KIAA1671: variants seen among roughly 807,000 people sequenced by gnomAD.
The protein encoded by KIAA1671 is uncharacterized protein KIAA1671.
In KIAA1671, 52 loss-of-function variants were observed where a neutral mutation model predicts 131.2. The observed-to-expected ratio is 0.40, with a 90% CI of 0.32 to 0.50. KIAA1671 has a LOEUF of 0.50. Ranked by LOEUF, KIAA1671 falls within the 20% of genes least tolerant of loss-of-function variation. The probability of loss-of-function intolerance (pLI) is 0.73; values close to 1 mark genes in which losing one functional copy is unlikely to be tolerated. For missense variants in KIAA1671, 2,360 were observed against 2,364.2 expected (o/e 1.00, Z 0.04); for synonymous variants, 1,003 against 961.6 (o/e 1.04, Z -0.80).
chr22:25,170,486 G>A (rs1177317718), intron 6 of KIAA1671, among the ~76,000 whole-genome samples: 2 of 152,224 alleles, frequency 1.3e-5, no homozygotes, highest in African/African-American at 4.8e-5. Context: ...GATGAGAGAA[G>A]TGTGCCCAGG....
intron 6 of KIAA1671, among the ~76,000 whole-genome samples, chr22:25,103,768 G>A (rs140281151): frequency 4.1e-4 from 62 of 151,354 alleles, no homozygotes; most frequent in African/African-American, 1.4e-3. Context: ...CTGGGATTAC[G>A]GGCGTGAGCC....
At chr22:25,087,428 A>G (rs547969877) in intron 6 of KIAA1671, among the ~76,000 whole-genome samples, 2 of 152,286 alleles carry the variant, frequency 1.3e-5, no homozygotes, top group African/African-American at 4.8e-5. Flanking sequence ...TACTGAAAAT[A>G]CAAAAATTAG....
chr22:25,142,037 A>G (rs948053491), intron 6 of KIAA1671, among the ~76,000 whole-genome samples: 14 of 152,222 alleles, frequency 9.2e-5, no homozygotes, highest in African/African-American at 3.1e-4. Flanking sequence ...GAAGCACCTT[A>G]TAAGCCATGA....
At chr22:25,042,463 GTTTTTT>G (rs3063202) in intron 5 of KIAA1671, among the ~76,000 whole-genome samples, 3 of 104,892 alleles carry the variant, frequency 2.9e-5, no homozygotes, top group East Asian at 2.8e-4. Context: ...GCAGTCCCTT[GTTTTTT>G]TTTTTTTTTT....
At position 25,152,436 on chromosome 22, in the gene KIAA1671, A is replaced by G. The variant is rs569007313; in HGVS notation, c.4531-18384A>G. On this transcript the variant is annotated intron_variant, in intron 6 of 12. Transcript: ENST00000358431. Reference sequence around the variant, plus strand: ...TGCTGTGAGCACATGTGTACACACAAACACAATGCATGCAGGCACACAGAC... The same window carrying G: ...TGCTGTGAGCACATGTGTACACACAGACACAATGCATGCAGGCACACAGAC... 7.8e-5 allele frequency among the ~76,000 whole-genome samples: 11 copies of G among 140,138 alleles called. No individual in the cohort carries two copies. The East Asian group carries it at 2.2e-3, about 28-fold the overall frequency. The allele number at this position is 140,138 out of a possible 152,430, so 91.9% of individuals were successfully genotyped here.
chr22:25,175,497 T>C (rs888480822), intron 8 of KIAA1671: 2 of 152,018 alleles, frequency 1.3e-5, no homozygotes, highest in Non-Finnish European at 2.9e-5. Flanking sequence ...ACAAGTTGAG[T>C]CTTGATTGGG....
At chr22:25,183,724 A>G (rs1934373640) in intron 10 of KIAA1671, among the ~76,000 whole-genome samples, 1 of 151,540 alleles carries the variant, frequency 6.6e-6, no homozygotes, top group Admixed American at 6.6e-5. Flanking sequence ...GGGTTTCACC[A>G]TGTTAGTAAG....
At chr22:25,066,013 C>G (rs1928458720) in intron 6 of KIAA1671, among the ~76,000 whole-genome samples, 3 of 151,960 alleles carry the variant, frequency 2.0e-5, no homozygotes. Flanking sequence ...GATCAAGGTG[C>G]CAGCAGGTTT....
chr22:25,101,076 C>T (rs1450422774), intron 6 of KIAA1671, among the ~76,000 whole-genome samples: 2 of 152,114 alleles, frequency 1.3e-5, no homozygotes, highest in African/African-American at 2.4e-5. Flanking sequence ...TTTTGCTAAC[C>T]GAGCCAACAG....
chr22:25,018,350 A>G (rs1373815256), intron 1 of KIAA1671, among the ~76,000 whole-genome samples: 1 of 151,308 alleles, frequency 6.6e-6, no homozygotes, highest in Non-Finnish European at 1.5e-5. Context: ...GGTTCCCGTT[A>G]TGTTTGTTTT....
At chr22:25,159,474 C>A (rs539164188) in intron 6 of KIAA1671, among the ~76,000 whole-genome samples, 9 of 152,176 alleles carry the variant, frequency 5.9e-5, no homozygotes, top group Non-Finnish European at 1.3e-4. Context: ...TGGTTCTTAG[C>A]TGAAAGACAG....
rs1016242912 is a variant in KIAA1671 at position 25,130,574 on chromosome 22, G to C, written c.4531-40246G>C. The stretch of plus-strand genomic sequence containing the variant: ...AACACTTTGAAAAGATTCCATACAG[G>C]CAAATTGCTAAAAAAAGAAGTCCCA... On this transcript the variant is annotated intron_variant, in intron 6 of 12. Transcript: ENST00000358431. Among the ~76,000 whole-genome samples, 4 of 152,142 alleles carry C rather than the reference G, an allele frequency of 2.6e-5. No homozygotes were observed. In the East Asian group the frequency reaches 5.8e-4, roughly 22 times the overall value.
intron 1 of KIAA1671, among the ~76,000 whole-genome samples, chr22:24,957,891 T>TG (rs1302476377): frequency 7.9e-5 from 12 of 151,224 alleles, no homozygotes; most frequent in Non-Finnish European, 4.4e-5. Context: ...TTGGTCAGGC[T>TG]GGTCTCGAAC....
At chr22:25,180,975 G>C (rs909867227) in intron 9 of KIAA1671, among the ~76,000 whole-genome samples, 19 of 152,174 alleles carry the variant, frequency 1.2e-4, no homozygotes, top group African/African-American at 4.6e-4. Flanking sequence ...AGCCGGCCAG[G>C]GGCTGGATGG....
intron 6 of KIAA1671, among the ~76,000 whole-genome samples, chr22:25,164,960 A>G (rs113548487): frequency 1.2e-4 from 16 of 134,228 alleles, no homozygotes; most frequent in South Asian, 7.3e-4. Context: ...AAAAAAAAAA[A>G]AGAGAGAGAG....
intron 6 of KIAA1671, chr22:25,064,679 T>A (rs575948594): frequency 1.3e-5 from 2 of 152,256 alleles, no homozygotes; most frequent in African/African-American, 4.8e-5. Context: ...TGCTTGAAGA[T>A]GGGCACATGT....
At chr22:24,958,626 G>A (rs991729899) in intron 1 of KIAA1671, among the ~76,000 whole-genome samples, 2 of 149,828 alleles carry the variant, frequency 1.3e-5, no homozygotes, top group Non-Finnish European at 3.0e-5. Flanking sequence ...AATCCAGCCT[G>A]GGTGACAGAG....
chr22:25,101,749 C>T (rs192056402), intron 6 of KIAA1671, among the ~76,000 whole-genome samples: 4 of 152,298 alleles, frequency 2.6e-5, no homozygotes, highest in Admixed American at 2.6e-4. Flanking sequence ...GTTCAAGCCT[C>T]AGTGATTCCT....
intron 1 of KIAA1671, among the ~76,000 whole-genome samples, chr22:24,981,174 T>C (rs2123829672): frequency 6.6e-6 from 1 of 152,230 alleles, no homozygotes; most frequent in South Asian, 2.1e-4. Flanking sequence ...GTTGGGCCTC[T>C]GTGTCTATGT....
Sources: gnomAD v4.1 joint callset for allele counts (sites outside exome capture counted in the v4.1 genomes callset) on GRCh38, gnomAD v4.1.1 for gene constraint, MANE v1.5 for transcripts, NCBI Gene and HGNC (gene_info 2026-07-23, HGNC 2026-07-21) for gene names.